Variants in ZNF471 observed in about 807,000 individuals in gnomAD.
ZNF471 encodes the protein zinc finger protein 471.
In ZNF471, 7 loss-of-function variants were observed where a neutral mutation model predicts 13.7. The ratio of observed to expected loss-of-function variants is 0.51; its 90% CI spans 0.29 to 0.96. The LOEUF (loss-of-function observed/expected upper bound fraction) is 0.96. ZNF471 is among the 40% of genes least tolerant of loss of function. ZNF471 has a pLI of 0.08. For synonymous variants in ZNF471, 218 were observed against 235.6 expected, an observed-to-expected ratio of 0.93 and a Z score of 0.68; for missense variants, 663 against 743.3, an observed-to-expected ratio of 0.89 and a Z score of 1.26.
At position 56,528,997 on chromosome 19, in the gene ZNF471, G is replaced by T. The variant is rs1014063253; in HGVS notation, c.*3049G>T. 2 of 152,090 alleles carry T rather than the reference G, an allele frequency of 1.3e-5. No individual in the cohort carries two copies. Among genetic ancestry groups the T allele is most frequent in the Non-Finnish European group, 2.9e-5 (2 of 68,006 alleles). The allele number at this position is 152,090 out of a possible 1,614,324, so 9.4% of individuals were successfully genotyped here. A position where few individuals can be genotyped will look rare whatever the true frequency, so the allele number is the denominator to read the frequency against. Reference sequence around the variant, plus strand: ...ACTCTGATATCAAACCAAGGGGAAAGAAATGAAATTATAGGTGAGTTTACT... The same window carrying T: ...ACTCTGATATCAAACCAAGGGGAAATAAATGAAATTATAGGTGAGTTTACT... On this transcript the variant is annotated 3_prime_UTR_variant, in exon 5 of 5. Coordinates refer to ENST00000308031, the MANE Select transcript of ZNF471 (RefSeq NM_020813.4).
chr19:56,526,986 G>A lies in ZNF471; in HGVS notation c.*1038G>A, dbSNP rs1056070628. 6.5e-6 allele frequency: 1 copy of A among 153,590 alleles called. No individual in the cohort carries two copies. Among genetic ancestry groups the A allele is most frequent in the Non-Finnish European group, 1.4e-5 (1 of 69,172 alleles). The allele number at this position is 153,590 out of a possible 1,614,324, so 9.5% of individuals were successfully genotyped here. ...CAGCACAGCGCTTGAGCTCTGCTAA[G>A]GGACAGACTGCCTCCTCAAGTGGGT... On this transcript the variant is annotated 3_prime_UTR_variant, in exon 5 of 5. Transcript: ENST00000308031.
In ZNF471 at chr19:56,526,171, C is replaced by T. The variant is rs150223227; in HGVS notation, c.*223C>T. 4.4e-3 allele frequency: 2,145 copies of T among 489,016 alleles called. 6 individuals are homozygous for T. Among genetic ancestry groups the T allele is most frequent in the Non-Finnish European group, 6.3e-3 (1,776 of 282,858 alleles). The allele number at this position is 489,016 out of a possible 1,614,324, so 30.3% of individuals were successfully genotyped here. ...GTATTTCCAGCTGAGGTACCTGGCT[C>T]ATCTCATTGGGACTGGTTAGACAGT... On this transcript the variant is annotated 3_prime_UTR_variant, in exon 5 of 5. Coordinates refer to ENST00000308031, the MANE Select transcript of ZNF471 (RefSeq NM_020813.4).
chr19:56,515,452 C>T (rs920215703), intron 2 of ZNF471, among the ~76,000 whole-genome samples: 4 of 152,022 alleles, frequency 2.6e-5, no homozygotes, highest in Non-Finnish European at 4.4e-5. Context: ...TAAACATTTT[C>T]CTAAAGGTAT....
In ZNF471 at chr19:56,511,369, T is replaced by C. The variant is rs574163279; in HGVS notation, c.-55-148T>C. 436 of 540,952 alleles carry C rather than the reference T, an allele frequency of 8.1e-4. 1 individual carries two copies. Among genetic ancestry groups the C allele is most frequent in the Admixed American group, 2.0e-3 (54 of 27,228 alleles). 33.5% of individuals were successfully genotyped at this position (540,952 alleles called of 1,614,324 possible). On this transcript the variant is annotated intron_variant, in intron 1 of 4. Transcript: ENST00000308031. ...CAAGCATGAAAAAAAAAAACCGTTATGAGTTTTAGCCCTTCAGTGGCCATA... is the reference window on the plus strand; with the variant it reads ...CAAGCATGAAAAAAAAAAACCGTTACGAGTTTTAGCCCTTCAGTGGCCATA...
Position 56,524,615 on chromosome 19 carries a change from A to AT in ZNF471, c.549dup (p.Lys184Ter). The AT allele has an allele frequency of 6.3e-7, 1 of 1,587,992 alleles. No homozygotes were observed. The highest frequency in any genetic ancestry group is 8.5e-7 in the Non-Finnish European group (1 of 1,173,438). On this transcript the variant is annotated frameshift_variant, in exon 5 of 5. Coordinates refer to ENST00000308031, the MANE Select transcript of ZNF471 (RefSeq NM_020813.4). LOFTEE classifies it low-confidence loss of function (END_TRUNC). The surrounding 1 kb of genome is among the most constrained non-coding windows in gnomAD (Gnocchi z 4.8). ...GAGAGTATTTATAATCACACATCAG[A>AT]TAAAAAAAGCTTCTCCAAAAATTCT...
intron 4 of ZNF471, among the ~76,000 whole-genome samples, chr19:56,523,967 G>T (rs774556940): frequency 6.6e-6 from 1 of 152,074 alleles, no homozygotes; most frequent in African/African-American, 2.4e-5. Context: ...GGGAATATAG[G>T]CATGTACCAC....
Position 56,510,668 on chromosome 19 carries a change from G to A in ZNF471, c.-55-849G>A, listed in dbSNP as rs1168201361. ...TGTGTTAGTGTTTGTATGTCACCCT[G>A]TATACCCATAATTGTGGCCCTGTAT... On this transcript the variant is annotated intron_variant, in intron 1 of 4. Coordinates refer to ENST00000308031, the MANE Select transcript of ZNF471 (RefSeq NM_020813.4). This position sits in a 1 kb window ranked among gnomAD's most constrained non-coding sequence, Gnocchi z 4.3. 1.0e-6 allele frequency: 1 copy of A among 985,644 alleles called. No homozygotes were observed. The highest frequency in any genetic ancestry group is 1.2e-6 in the Non-Finnish European group (1 of 830,012). The allele number at this position is 985,644 out of a possible 1,614,324, so 61.1% of individuals were successfully genotyped here.
rs13346710 is a variant in ZNF471 at position 56,529,888 on chromosome 19, C to T, written c.*3940C>T. 31,697 of 152,118 alleles carry T rather than the reference C, an allele frequency of 0.21. 3,289 individuals carry two copies. The highest frequency in any genetic ancestry group is 0.25 in the Middle Eastern group (72 of 292). The allele number at this position is 152,118 out of a possible 1,614,324, so 9.4% of individuals were successfully genotyped here. ...CATTTTAGAGGGCAATGTGGTGTTA[C>T]CTGTCAGCATTTTGAATATAATTAC... On this transcript the variant is annotated 3_prime_UTR_variant, in exon 5 of 5. Coordinates refer to ENST00000308031, the MANE Select transcript of ZNF471 (RefSeq NM_020813.4).
intron 4 of ZNF471, among the ~76,000 whole-genome samples, chr19:56,518,979 G>A (rs968386727): frequency 5.3e-5 from 8 of 151,888 alleles, no homozygotes; most frequent in Non-Finnish European, 1.0e-4. Context: ...TTCCTTTCCT[G>A]TAGCAGATAG....
chr19:56,526,032 T>C lies in ZNF471; in HGVS notation c.*84T>C, dbSNP rs909283699. 1.9e-5 allele frequency: 26 copies of C among 1,379,594 alleles called. No homozygotes were observed. The highest frequency in any genetic ancestry group is 2.5e-5 in the Non-Finnish European group (26 of 1,027,116). The allele number at this position is 1,379,594 out of a possible 1,614,324, so 85.5% of individuals were successfully genotyped here. The stretch of plus-strand genomic sequence containing the variant: ...GATGTCCCACTGGATAAAAAACATA[T>C]AAATGTAAGAAATGTAGAAAAACCT... On this transcript the variant is annotated 3_prime_UTR_variant, in exon 5 of 5. Transcript: ENST00000308031.
intron 4 of ZNF471, among the ~76,000 whole-genome samples, chr19:56,520,688 C>T (rs934544039): frequency 1.1e-4 from 17 of 152,172 alleles, no homozygotes; most frequent in Admixed American, 1.1e-3. Flanking sequence ...CTTCCTTGCC[C>T]CTTCCACTGT....
At chr19:56,520,962 G>T (rs1344374867) in intron 4 of ZNF471, among the ~76,000 whole-genome samples, 2 of 152,210 alleles carry the variant, frequency 1.3e-5, no homozygotes, top group Non-Finnish European at 2.9e-5. Context: ...ACATGGCTGG[G>T]GAGCCCTGAC....
rs1268560853 is a variant in ZNF471 at position 56,508,811 on chromosome 19, C to T, written c.-56+891C>T. 1.4e-5 allele frequency among the ~76,000 whole-genome samples: 2 copies of T among 145,544 alleles called. No individual in the cohort carries two copies. The highest frequency in any genetic ancestry group is 5.1e-5 in the African/African-American group (2 of 39,148). ...TGTTCGTGTGTGAGAGACAACATAG[C>T]GTGAGACCAGTGAGTGTGAGAGAGA... On this transcript the variant is annotated intron_variant, in intron 1 of 4. Transcript: ENST00000308031. The surrounding 1 kb of genome is among the most constrained non-coding windows in gnomAD (Gnocchi z 4.7).
Position 56,526,102 on chromosome 19 carries a change from T to C in ZNF471, c.*154T>C, listed in dbSNP as rs2044043466. On this transcript the variant is annotated 3_prime_UTR_variant, in exon 5 of 5. Transcript: ENST00000308031. ...GATGGCCGAATAGGAACAGCTCTGA[T>C]CTGCAGTTCCCAGTGAGATCAACGC... is the stretch of plus-strand genomic sequence containing the variant. 2.9e-6 allele frequency: 2 copies of C among 691,806 alleles called. No individual in the cohort carries two copies. The highest frequency in any genetic ancestry group is 4.6e-6 in the Non-Finnish European group (2 of 436,792). The allele number at this position is 691,806 out of a possible 1,614,324, so 42.9% of individuals were successfully genotyped here.
In ZNF471 at chr19:56,516,337, C is replaced by G; in HGVS notation, c.96C>G (p.Asn32Lys). 1 of 1,613,826 alleles carries G rather than the reference C, an allele frequency of 6.2e-7. No homozygotes were observed. Among genetic ancestry groups the G allele is most frequent in the Non-Finnish European group, 8.5e-7 (1 of 1,179,782 alleles). ...DFSQEEWQWM[N>K]PAQKRLYRSM... ...CCCAGGAAGAATGGCAATGGATGAA[C>G]CCTGCTCAGAAGCGTTTATACAGGA... is the stretch of plus-strand genomic sequence containing the variant. The change falls in exon 3 of 5, where the codon AAC becomes AAG. Residue 32 changes from asparagine to lysine, a missense_variant. Coordinates refer to ENST00000308031, the MANE Select transcript of ZNF471 (RefSeq NM_020813.4). The surrounding 1 kb of genome is among the most constrained non-coding windows in gnomAD (Gnocchi z 4.4).
chr19:56,525,989 C>T lies in ZNF471; in HGVS notation c.*41C>T. 1 of 1,488,768 alleles carries T rather than the reference C, an allele frequency of 6.7e-7. No individual in the cohort carries two copies. The highest frequency in any genetic ancestry group is 9.0e-7 in the Non-Finnish European group (1 of 1,111,798). The allele number at this position is 1,488,768 out of a possible 1,614,324, so 92.2% of individuals were successfully genotyped here. On this transcript the variant is annotated 3_prime_UTR_variant, in exon 5 of 5. Coordinates refer to ENST00000308031, the MANE Select transcript of ZNF471 (RefSeq NM_020813.4). ...GGCCAAGCCTTTAGTTATCACCAAT[C>T]CCCTACTGTTAATCAGAGATGTCCC...
chr19:56,525,226 C>G lies in ZNF471; in HGVS notation c.1159C>G (p.His387Asp). ...CIDCGKAFSV[H>D]IGLILHRRIH... Reference sequence around the variant, plus strand: ...TGATTGTGGGAAAGCCTTCAGTGTTCACATAGGACTTATTCTGCATAGGAG... The same window carrying G: ...TGATTGTGGGAAAGCCTTCAGTGTTGACATAGGACTTATTCTGCATAGGAG... Residue 387 changes from histidine to aspartate, a missense_variant, in exon 5 of 5, where the codon CAC (histidine) becomes GAC (aspartate). Transcript: ENST00000308031. The G allele has an allele frequency of 6.2e-7, 1 of 1,613,640 alleles. No homozygotes were observed.
rs371801649 is a variant in ZNF471 at position 56,508,812 on chromosome 19, G to A, written c.-56+892G>A. Among the ~76,000 whole-genome samples the A allele has an allele frequency of 6.6e-6, 1 of 152,064 alleles. No homozygotes were observed. Among genetic ancestry groups the A allele is most frequent in the Non-Finnish European group, 1.5e-5 (1 of 68,002 alleles). ...GTTCGTGTGTGAGAGACAACATAGC[G>A]TGAGACCAGTGAGTGTGAGAGAGAT... On this transcript the variant is annotated intron_variant, in intron 1 of 4. Coordinates refer to ENST00000308031, the MANE Select transcript of ZNF471 (RefSeq NM_020813.4). The surrounding 1 kb of genome is among the most constrained non-coding windows in gnomAD (Gnocchi z 4.7).
At position 56,516,383 on chromosome 19, in the gene ZNF471, C is replaced by A; in HGVS notation, c.142C>A (p.Gln48Lys). 6.2e-7 allele frequency: 1 copy of A among 1,613,526 alleles called. No individual in the cohort carries two copies. Among genetic ancestry groups the A allele is most frequent in the South Asian group, 1.1e-5 (1 of 90,992 alleles). Residue 48 changes from glutamine (Q) to lysine (K), a missense_variant, in exon 3 of 5, where the codon CAG (glutamine) becomes AAG (lysine). Transcript: ENST00000308031. The surrounding 1 kb of genome is among the most constrained non-coding windows in gnomAD (Gnocchi z 4.4). Reference sequence around the variant, plus strand: ...CAGGAGTATGATGTTGGAGAACTATCAGAGCCTGGTATCACTTGGTGAGGA... The same window carrying A: ...CAGGAGTATGATGTTGGAGAACTATAAGAGCCTGGTATCACTTGGTGAGGA... ...LYRSMMLENYQSLVSLGLCIS... is the reference protein window; with the variant it reads ...LYRSMMLENYKSLVSLGLCIS...
Sources: allele counts gnomAD v4.1 joint callset (sites outside exome capture counted in the v4.1 genomes callset), GRCh38; gene constraint gnomAD v4.1.1; non-coding constraint Gnocchi (gnomAD v3.1); transcripts MANE v1.5; gene names NCBI Gene and HGNC (gene_info 2026-07-23, HGNC 2026-07-21).